Variants in ARHGAP45 observed in about 807,000 individuals in gnomAD.
ARHGAP45 encodes rho GTPase-activating protein 45.
Under a neutral mutation model 116.1 loss-of-function variants are expected in ARHGAP45, and 56 were observed. The observed-to-expected ratio is 0.48, with a 90% CI of 0.39 to 0.60. The LOEUF is 0.60. ARHGAP45 is among the 20% of genes least tolerant of loss of function. The pLI, the probability that ARHGAP45 is intolerant of heterozygous loss-of-function variation, is 0.00. For missense variants in ARHGAP45, 1,622 were observed against 1,601.0 expected (o/e 1.01, Z -0.22); for synonymous variants, 866 against 701.7 (o/e 1.23, Z -3.70).
upstream of ARHGAP45, chr19:1,066,121 C>T (rs762679893): frequency 6.5e-7 from 1 of 1,535,662 alleles, no homozygotes; most frequent in South Asian, 1.2e-5. Flanking sequence ...GGGGCTGTGG[C>T]CTTCATGTCC....
chr19:1,083,308 C>T lies in ARHGAP45; in HGVS notation c.2910C>T (p.Tyr970=), dbSNP rs1235862721. ...ARVIETLIVH[Y]GLVFEEEPEE... is the part of the protein sequence containing the mutation. ...TCATCGAGACTCTCATCGTCCACTA[C>T]GGCCTGGTCTTCGAGGAGGAGCCGG... Residue 970 remains tyrosine, a synonymous_variant, in exon 21 of 23, where the codon TAC becomes TAT. Transcript: ENST00000313093. 6.4e-6 allele frequency: 10 copies of T among 1,573,770 alleles called. No individual in the cohort carries two copies. Among genetic ancestry groups the T allele is most frequent in the African/African-American group, 1.4e-5 (1 of 73,972 alleles).
chr19:1,066,032 C>G, upstream of ARHGAP45: 1 of 1,535,470 alleles, frequency 6.5e-7, no homozygotes, highest in Non-Finnish European at 8.7e-7. Context: ...CGCCATGAGT[C>G]GGGGGCAAAG....
Position 1,074,630 on chromosome 19 carries a change from T to G in ARHGAP45, c.1010T>G (p.Leu337Arg), listed in dbSNP as rs775430041. ...SVMQEPHMPL[L>R]SIYSLALEQD... is the part of the protein sequence containing the mutation. ...CACCCACAGCCCCACATGCCGCTCC[T>G]GTCCATCTACTCGCTGGCCCTGGAG... The change falls in exon 9 of 23, where the codon CTG becomes CGG. Residue 337 changes from leucine to arginine, a missense_variant. Around this residue, in one of 3 missense-constraint regions of ARHGAP45, gnomAD observed 1,334 missense variants for 1,263.8 expected, o/e 1.06. Coordinates refer to ENST00000313093, the MANE Select transcript of ARHGAP45 (RefSeq NM_012292.5). The G allele has an allele frequency of 4.4e-6, 7 of 1,600,308 alleles. No individual in the cohort carries two copies. Among genetic ancestry groups the G allele is most frequent in the Non-Finnish European group, 3.4e-6 (4 of 1,174,410 alleles).
intron 2 of ARHGAP45, among the ~76,000 whole-genome samples, chr19:1,072,095 C>G (rs1481403407): frequency 6.6e-6 from 1 of 151,896 alleles, no homozygotes; most frequent in African/African-American, 2.4e-5. Context: ...AGGAGTCTCA[C>G]TCTGTCACCC....
chr19:1,082,896 G>A lies in ARHGAP45; in HGVS notation c.2574G>A (p.Lys858=), dbSNP rs1276500066. The A allele has an allele frequency of 2.5e-6, 4 of 1,592,112 alleles. No homozygotes were observed. The Admixed American group carries it at 7.0e-5, about 28-fold the overall frequency. The change falls in exon 20 of 23, where the codon AAG becomes AAA. Residue 858 remains lysine, a synonymous_variant. Transcript: ENST00000313093. ...RLYHELVGLA[K]DSLKAEAEAK... ...ACCACGAGCTCGTAGGGCTGGCCAA[G>A]GACAGCCTGAAGGCAGAGGCCGAGG... is the stretch of plus-strand genomic sequence containing the variant.
upstream of ARHGAP45, chr19:1,065,981 C>A: frequency 6.6e-7 from 1 of 1,524,102 alleles, no homozygotes; most frequent in South Asian, 1.2e-5. Context: ...GAAGCCCATC[C>A]GACATCCAGC....
upstream of ARHGAP45, chr19:1,066,203 G>A (rs1167414183): frequency 4.4e-6 from 6 of 1,357,226 alleles, no homozygotes; most frequent in Non-Finnish European, 4.8e-6. Context: ...AGAGGTTGGG[G>A]TTTTGGGATT....
At chr19:1,072,420 CTTTA>C (rs2043157810) in intron 2 of ARHGAP45, among the ~76,000 whole-genome samples, 1 of 152,026 alleles carries the variant, frequency 6.6e-6, no homozygotes, top group East Asian at 1.9e-4. Context: ...GCTTTTTATT[CTTTA>C]TTTTATTTCT....
chr19:1,067,316 C>A lies in ARHGAP45; in HGVS notation c.-90C>A, dbSNP rs1482751064. On this transcript the variant is annotated 5_prime_UTR_variant, in exon 1 of 23. Coordinates refer to ENST00000313093, the MANE Select transcript of ARHGAP45 (RefSeq NM_012292.5). ...TGACAGCTGGGGAGGGGGTGGCCGG[C>A]GACAATGTGGTCCCGAAGCGGCCAG... 5.6e-6 allele frequency: 8 copies of A among 1,432,652 alleles called. No homozygotes were observed. Among genetic ancestry groups the A allele is most frequent in the Middle Eastern group, 2.4e-4 (1 of 4,184 alleles). 88.7% of individuals were successfully genotyped at this position (1,432,652 alleles called of 1,614,324 possible).
At chr19:1,079,040 C>T (rs866156795) in intron 11 of ARHGAP45, among the ~76,000 whole-genome samples, 52 of 151,504 alleles carry the variant, frequency 3.4e-4, no homozygotes, top group Non-Finnish European at 5.9e-4. Context: ...ATTAGCTGGG[C>T]GTAGTGGTGG....
At chr19:1,079,577 A>T (rs983426329) in intron 11 of ARHGAP45, 126 bp from the exon 12 acceptor site, 14 of 1,185,104 alleles carry the variant, frequency 1.2e-5, no homozygotes, top group Admixed American at 2.3e-5. Flanking sequence ...GGCCTCAAGC[A>T]AGTCTCCCAC....
In ARHGAP45 at chr19:1,084,270, C is replaced by T. The variant is rs376801774; in HGVS notation, c.2988C>T (p.Val996=). Residue 996 remains valine, a synonymous_variant, in exon 22 of 23, where the codon GTC becomes GTT. Transcript: ENST00000313093. ...CATCCAACCAGCGAGCTGAGGTAGT[C>T]GTCCAGGTGCCGTACCTGGAGGCGG... ...DESSNQRAEV[V]VQVPYLEAGE... The T allele has an allele frequency of 2.5e-5, 41 of 1,612,944 alleles. No homozygotes were observed. The highest frequency in any genetic ancestry group is 3.1e-5 in the Non-Finnish European group (37 of 1,179,744).
rs933869800 is a variant in ARHGAP45 at position 1,069,864 on chromosome 19, T to G, written c.421+1120T>G. The stretch of plus-strand genomic sequence containing the variant: ...CAGGGTCTTGCTCTGTTGCCCAGGC[T>G]GGAGTCCAGTGGTGTGATTGAGGCT... On this transcript the variant is annotated intron_variant, in intron 2 of 22. Coordinates refer to ENST00000313093, the MANE Select transcript of ARHGAP45 (RefSeq NM_012292.5). The surrounding 1 kb of genome is among the most constrained non-coding windows in gnomAD (Gnocchi z 4.1). 6.7e-6 allele frequency among the ~76,000 whole-genome samples: 1 copy of G among 150,294 alleles called. No homozygotes were observed. The highest frequency in any genetic ancestry group is 2.4e-5 in the African/African-American group (1 of 40,914).
At chr19:1,066,399 C>T, upstream of ARHGAP45, 1 of 556,350 alleles carries the variant, frequency 1.8e-6, no homozygotes, top group East Asian at 3.0e-5. Flanking sequence ...CTGCCCAGCA[C>T]GTCCGGTGGT....
intron 11 of ARHGAP45, 139 bp from the exon 12 acceptor site, chr19:1,079,564 C>G: frequency 9.6e-7 from 1 of 1,042,506 alleles, no homozygotes; most frequent in East Asian, 2.5e-5. Context: ...GTCTCGAACT[C>G]CTGGCCTCAA....
chr19:1,074,422 G>T lies in ARHGAP45; in HGVS notation c.993+15G>T. The T allele has an allele frequency of 6.6e-7, 1 of 1,520,152 alleles. No homozygotes were observed. Among genetic ancestry groups the T allele is most frequent in the Non-Finnish European group, 8.8e-7 (1 of 1,131,338 alleles). 94.2% of individuals were successfully genotyped at this position (1,520,152 alleles called of 1,614,324 possible). A position where few individuals can be genotyped will look rare whatever the true frequency, so the allele number is the denominator to read the frequency against. On this transcript the variant is annotated intron_variant, in intron 8 of 22. Transcript: ENST00000313093. ...TCATGCAGGAGGTGGGGGCCCCGCG[G>T]GCACGGGGCGGGGGTCCCTGGGCCC...
chr19:1,080,161 G>C, intron 13 of ARHGAP45, 43 bp downstream of exon 13: 1 of 1,610,358 alleles, frequency 6.2e-7, no homozygotes, highest in Non-Finnish European at 8.5e-7. Flanking sequence ...ACAAGGCCCT[G>C]CCTGGGAGCC....
At chr19:1,066,938 C>G (rs1226580790), upstream of ARHGAP45, among the ~76,000 whole-genome samples, 5 of 152,086 alleles carry the variant, frequency 3.3e-5, no homozygotes, top group South Asian at 6.2e-4. Context: ...CGTCTGAGCG[C>G]GTGTGGAGGT....
At chr19:1,079,882 C>T (rs140259319) in intron 12 of ARHGAP45, 42 bp downstream of exon 12, 22 of 1,590,626 alleles carry the variant, frequency 1.4e-5, no homozygotes, top group Non-Finnish European at 1.8e-5. Context: ...GATGGTGGAC[C>T]GGGCGGCCTC....
Sources: gnomAD v4.1 joint callset for allele counts (sites outside exome capture counted in the v4.1 genomes callset) on GRCh38, gnomAD v4.1.1 for gene constraint, gnomAD v4.1.1 regional missense constraint, Gnocchi (gnomAD v3.1) non-coding constraint, MANE v1.5 for transcripts, NCBI Gene and HGNC (gene_info 2026-07-23, HGNC 2026-07-21) for gene names.